The following PHIP variants were observed in gnomAD, a reference collection of about 807,000 sequenced individuals.
PHIP encodes the protein PHIP subunit of CUL4-Ring ligase complex.
PHIP carries 54 observed loss-of-function variants against 236.8 expected under a neutral mutation model. That is an observed-to-expected ratio of 0.23 (90% CI 0.18 to 0.29). The LOEUF (loss-of-function observed/expected upper bound fraction) is 0.29. Among genes scored for constraint, PHIP ranks in the 10% least tolerant of loss-of-function variants. PHIP has a pLI of 1.00. For synonymous variants in PHIP, 756 were observed against 718.9 expected, an observed-to-expected ratio of 1.05 and a Z score of -0.83; for missense variants, 1,370 against 2,190.8, an observed-to-expected ratio of 0.63 and a Z score of 7.48.
At chr6:79,005,242 G>A (rs1770222752) in intron 15 of PHIP, among the ~76,000 whole-genome samples, 1 of 151,910 alleles carries the variant, frequency 6.6e-6, no homozygotes, top group Non-Finnish European at 1.5e-5. Flanking sequence ...AAAGTTGGAG[G>A]ATGATAAGAT....
chr6:78,954,809 C>G lies in PHIP; in HGVS notation c.4053+5G>C. On this transcript the variant is annotated splice_donor_5th_base_variant and intron_variant, in intron 35 of 39. Coordinates refer to ENST00000275034, the MANE Select transcript of PHIP (RefSeq NM_017934.7). ...GGTAAAGAAAATATTTTCAAAAATA[C>G]TTACTGGATATTCAAGGAGATCTAC... 1 of 1,564,400 alleles carries G rather than the reference C, an allele frequency of 6.4e-7. No homozygotes were observed. The highest frequency in any genetic ancestry group is 8.6e-7 in the Non-Finnish European group (1 of 1,159,552).
intron 20 of PHIP, among the ~76,000 whole-genome samples, chr6:78,990,321 G>A (rs1415862): frequency 0.91 from 138,745 of 152,250 alleles, 63,441 homozygotes; most frequent in East Asian, 0.99. Flanking sequence ...CAGGAAGTAC[G>A]TATCTCTCTC....
chr6:78,974,020 G>C lies in PHIP; in HGVS notation c.2890-3132C>G, dbSNP rs905619486. 4.6e-5 allele frequency among the ~76,000 whole-genome samples: 7 copies of C among 152,246 alleles called. No homozygotes were observed. The East Asian group carries it at 5.8e-4, about 13-fold the overall frequency. On this transcript the variant is annotated intron_variant, in intron 24 of 39. Coordinates refer to ENST00000275034, the MANE Select transcript of PHIP (RefSeq NM_017934.7). ...GGAATTGAACTCAGCTCTGCACCAA[G>C]CAGACCTAATAGACTTCTGCAGAAC...
chr6:79,004,417 A>T, intron 15 of PHIP: 4 of 985,144 alleles, frequency 4.1e-6, no homozygotes, highest in Non-Finnish European at 4.8e-6. Flanking sequence ...TCCAGAACGA[A>T]TGGGTTTCCT....
In PHIP at chr6:78,972,968, C is replaced by T. The variant is rs537167619; in HGVS notation, c.2890-2080G>A. On this transcript the variant is annotated intron_variant, in intron 24 of 39. Coordinates refer to ENST00000275034, the MANE Select transcript of PHIP (RefSeq NM_017934.7). ...GGAAAACACTGCAGGATATTATCCACGAGAATTTCCCCAATCTAGCAAGGC... is the reference window on the plus strand; with the variant it reads ...GGAAAACACTGCAGGATATTATCCATGAGAATTTCCCCAATCTAGCAAGGC... 3.2e-4 allele frequency among the ~76,000 whole-genome samples: 45 copies of T among 140,080 alleles called. 1 individual carries two copies. Among genetic ancestry groups the T allele is most frequent in the Non-Finnish European group, 9.7e-5 (6 of 61,584 alleles). The allele number at this position is 140,080 out of a possible 152,430, so 91.9% of individuals were successfully genotyped here.
rs1773361657 is a variant in PHIP, at chr6:78,938,706, TA to T, written c.*1986del. On this transcript the variant is annotated 3_prime_UTR_variant, in exon 40 of 40. Coordinates refer to ENST00000275034, the MANE Select transcript of PHIP (RefSeq NM_017934.7). ...AATATATTTGTTAGAAAAAAATAAA[TA>T]TACAAAAAACCTGAAAAATTTGAAA... The T allele has an allele frequency of 6.6e-6, 1 of 151,638 alleles. No homozygotes were observed. The highest frequency in any genetic ancestry group is 2.4e-5 in the African/African-American group (1 of 41,406). The allele number at this position is 151,638 out of a possible 1,614,324, so 9.4% of individuals were successfully genotyped here. A position where few individuals can be genotyped will look rare whatever the true frequency, so the allele number is the denominator to read the frequency against.
chr6:79,060,466 C>T lies in PHIP; in HGVS notation c.439+12G>A. ...AGAGGCTATTAACTACTAGTGAACT[C>T]AAACAACTCACCAATGCTGGGTGGG... On this transcript the variant is annotated intron_variant, in intron 6 of 39. Coordinates refer to ENST00000275034, the MANE Select transcript of PHIP (RefSeq NM_017934.7). The T allele has an allele frequency of 1.3e-6, 2 of 1,597,878 alleles. No individual in the cohort carries two copies. The highest frequency in any genetic ancestry group is 1.1e-5 in the South Asian group (1 of 89,238).
chr6:79,042,751 A>C (rs1241524166), intron 7 of PHIP, 92 bp downstream of exon 7: 5 of 956,006 alleles, frequency 5.2e-6, no homozygotes, highest in Admixed American at 3.4e-5. Context: ...TATTAAAAGA[A>C]AAAAAAGCAA....
At position 78,940,550 on chromosome 6, in the gene PHIP, T is replaced by TTTTG. The variant is rs1773441652; in HGVS notation, c.*142_*143insCAAA. 7.9e-6 allele frequency: 1 copy of TTTTG among 126,718 alleles called. No homozygotes were observed. Among genetic ancestry groups the TTTTG allele is most frequent in the Non-Finnish European group, 1.8e-5 (1 of 56,984 alleles). 7.8% of individuals were successfully genotyped at this position (126,718 alleles called of 1,614,324 possible). On this transcript the variant is annotated 3_prime_UTR_variant, in exon 40 of 40. Transcript: ENST00000275034. The stretch of plus-strand genomic sequence containing the variant: ...GAAGTGAAGTGTCTCGTAAGTTTGT[T>TTTTG]TTTTTTTTTTTTTTTTTTTTTGCAA...
At chr6:78,944,582 T>C (rs1773700270) in intron 39 of PHIP, among the ~76,000 whole-genome samples, 1 of 152,200 alleles carries the variant, frequency 6.6e-6, no homozygotes, top group African/African-American at 2.4e-5. Flanking sequence ...ACAGATTCAG[T>C]TGCTGAAGAG....
intron 24 of PHIP, among the ~76,000 whole-genome samples, chr6:78,976,143 A>T (rs1768042638): frequency 6.7e-6 from 1 of 150,154 alleles, no homozygotes; most frequent in Non-Finnish European, 1.5e-5. Context: ...GGCTACAGTA[A>T]CCAAAACAGC....
At position 78,946,318 on chromosome 6, in the gene PHIP, A is replaced by C. The variant is rs1188831469; in HGVS notation, c.4371-58T>G. The C allele has an allele frequency of 1.0e-5, 15 of 1,494,476 alleles. No individual in the cohort carries two copies. The East Asian group carries it at 3.2e-4, about 32-fold the overall frequency. 92.6% of individuals were successfully genotyped at this position (1,494,476 alleles called of 1,614,324 possible). A position where few individuals can be genotyped will look rare whatever the true frequency, so the allele number is the denominator to read the frequency against. On this transcript the variant is annotated intron_variant, in intron 37 of 39. Transcript: ENST00000275034. ...ATAGCTCTATGTGAACGAATAAAACAGTTTATAATATTTTTGGATTCAATA... is the reference window on the plus strand; with the variant it reads ...ATAGCTCTATGTGAACGAATAAAACCGTTTATAATATTTTTGGATTCAATA...
chr6:79,054,475 G>A (rs1353391575), intron 6 of PHIP, among the ~76,000 whole-genome samples: 2 of 151,412 alleles, frequency 1.3e-5, no homozygotes, highest in East Asian at 1.9e-4. Context: ...AATAAGTGAT[G>A]AGTAGATATC....
Position 78,951,434 on chromosome 6 carries a change from T to C in PHIP, c.4053+3380A>G, listed in dbSNP as rs138130895. 6.4e-4 allele frequency among the ~76,000 whole-genome samples: 97 copies of C among 152,274 alleles called. 1 individual carries two copies. The South Asian group carries it at 8.1e-3, about 13-fold the overall frequency. On this transcript the variant is annotated intron_variant, in intron 35 of 39. Coordinates refer to ENST00000275034, the MANE Select transcript of PHIP (RefSeq NM_017934.7). ...TGATTAAACTCAAAATGTGAACCAA[T>C]ATTTTCATATAAAAGATGAAATATG...
intron 7 of PHIP, among the ~76,000 whole-genome samples, chr6:79,033,549 C>G (rs1032863427): frequency 4.6e-5 from 7 of 152,152 alleles, no homozygotes; most frequent in Non-Finnish European, 5.9e-5. Flanking sequence ...TCTGCTAGCT[C>G]CAACTTTTCT....
At chr6:78,998,214 A>G in intron 18 of PHIP, 40 bp downstream of exon 18, 2 of 1,560,314 alleles carry the variant, frequency 1.3e-6, no homozygotes, top group Non-Finnish European at 1.8e-6. Flanking sequence ...GGCTGTTTCA[A>G]ATTTTTAAAT....
chr6:79,003,606 A>G (rs1358206004), intron 16 of PHIP, 124 bp downstream of exon 16: 4 of 630,710 alleles, frequency 6.3e-6, no homozygotes, highest in Non-Finnish European at 1.0e-5. Flanking sequence ...ACTACTTAAC[A>G]CAAGATTCTT....
intron 25 of PHIP, 83 bp from the exon 26 acceptor site, chr6:78,970,256 T>C: frequency 1.6e-6 from 2 of 1,226,214 alleles, no homozygotes; most frequent in Non-Finnish European, 2.3e-6. Flanking sequence ...AGAAAAAACT[T>C]CTTGGTTTAA....
At chr6:78,995,560 A>G (rs1175955591) in intron 19 of PHIP, among the ~76,000 whole-genome samples, 3 of 152,168 alleles carry the variant, frequency 2.0e-5, no homozygotes, top group African/African-American at 7.2e-5. Flanking sequence ...TATTTTAACC[A>G]TTCTGAGAAG....
Sources: gnomAD v4.1 joint callset for allele counts (sites outside exome capture counted in the v4.1 genomes callset) on GRCh38, gnomAD v4.1.1 for gene constraint, MANE v1.5 for transcripts, NCBI Gene and HGNC (gene_info 2026-07-23, HGNC 2026-07-21) for gene names.